DCLK1: variants seen among roughly 807,000 people sequenced by gnomAD.
DCLK1 encodes the protein serine/threonine-protein kinase DCLK1.
In DCLK1, 16 loss-of-function variants were observed where a neutral mutation model predicts 86.2. The ratio of observed to expected loss-of-function variants is 0.19; its 90% CI spans 0.13 to 0.28. The LOEUF is 0.28. DCLK1 is among the 10% of genes least tolerant of loss of function. The probability of loss-of-function intolerance (pLI) is 1.00; values close to 1 mark genes in which losing one functional copy is unlikely to be tolerated. For synonymous variants in DCLK1, 369 were observed against 370.5 expected (o/e 1.00, Z 0.05); for missense variants, 590 against 940.2 (o/e 0.63, Z 4.87).
intron 3 of DCLK1, among the ~76,000 whole-genome samples, chr13:35,996,726 C>T (rs1008991380): frequency 6.7e-6 from 1 of 150,014 alleles, no homozygotes; most frequent in Non-Finnish European, 1.5e-5. Flanking sequence ...TACACACAAC[C>T]TATTGGTTCT....
intron 4 of DCLK1, among the ~76,000 whole-genome samples, chr13:35,940,917 A>AT (rs901537900): frequency 6.6e-6 from 1 of 152,210 alleles, no homozygotes; most frequent in Non-Finnish European, 1.5e-5. Flanking sequence ...ACTAGGAGGT[A>AT]TATTTCAGCT....
At chr13:35,905,262 C>T (rs1874616466) in intron 4 of DCLK1, among the ~76,000 whole-genome samples, 1 of 152,224 alleles carries the variant, frequency 6.6e-6, no homozygotes, top group Non-Finnish European at 1.5e-5. Flanking sequence ...GTTTTCCACC[C>T]CCAGCTCCAG....
At chr13:36,003,186 T>C (rs561052592) in intron 3 of DCLK1, among the ~76,000 whole-genome samples, 42 of 152,212 alleles carry the variant, frequency 2.8e-4, no homozygotes, top group Non-Finnish European at 5.3e-4. Context: ...GAGCTAAATT[T>C]TCCAGGCTCA....
chr13:35,968,817 C>T (rs1170985), intron 3 of DCLK1, among the ~76,000 whole-genome samples: 45,756 of 151,954 alleles, frequency 0.3, 7,670 homozygotes, highest in East Asian at 0.57. Context: ...TACCCAGTCC[C>T]AGCATAGAGG....
chr13:35,835,480 G>C (rs1348674682), intron 8 of DCLK1, among the ~76,000 whole-genome samples: 1 of 152,178 alleles, frequency 6.6e-6, no homozygotes, highest in East Asian at 1.9e-4. Flanking sequence ...GTAGCCACCA[G>C]CTAACGTCCT....
chr13:35,896,706 G>T (rs752879763), intron 4 of DCLK1, among the ~76,000 whole-genome samples: 7 of 151,658 alleles, frequency 4.6e-5, no homozygotes, highest in Non-Finnish European at 1.0e-4. Context: ...TTCTGCACTC[G>T]GCCTTGGCAG....
chr13:35,986,754 T>A (rs182336154), intron 3 of DCLK1, among the ~76,000 whole-genome samples: 1 of 152,278 alleles, frequency 6.6e-6, no homozygotes, highest in Non-Finnish European at 1.5e-5. Flanking sequence ...ACCCTCATGG[T>A]CTTCTCAGGC....
chr13:35,942,273 T>C (rs1303396982), intron 4 of DCLK1, among the ~76,000 whole-genome samples: 2 of 152,108 alleles, frequency 1.3e-5, no homozygotes, highest in Non-Finnish European at 2.9e-5. Context: ...TTCAAGTGAT[T>C]CTCCTGCCTC....
At chr13:35,931,029 C>T (rs529061189) in intron 4 of DCLK1, among the ~76,000 whole-genome samples, 189 of 152,240 alleles carry the variant, frequency 1.2e-3, no homozygotes, top group African/African-American at 4.5e-3. Flanking sequence ...GTTTGTTAAC[C>T]AGCTGCAGAC....
chr13:36,079,083 T>C (rs1309772533), intron 3 of DCLK1, among the ~76,000 whole-genome samples: 1 of 152,130 alleles, frequency 6.6e-6, no homozygotes, highest in African/African-American at 2.4e-5. Context: ...GAAAAGCCCC[T>C]GTGGCTACAT....
chr13:35,819,243 C>T (rs1032508709), intron 11 of DCLK1, among the ~76,000 whole-genome samples: 3 of 152,098 alleles, frequency 2.0e-5, no homozygotes, highest in Admixed American at 6.6e-5. Context: ...GGTCAATGCC[C>T]AGTTTTCACC....
At chr13:36,066,614 A>G (rs1484315168) in intron 3 of DCLK1, among the ~76,000 whole-genome samples, 1 of 152,174 alleles carries the variant, frequency 6.6e-6, no homozygotes, top group Non-Finnish European at 1.5e-5. Flanking sequence ...ATCAGAGTGA[A>G]CAGGCAACCT....
chr13:36,043,140 G>A (rs1882752351), intron 3 of DCLK1, among the ~76,000 whole-genome samples: 1 of 152,062 alleles, frequency 6.6e-6, no homozygotes, highest in Non-Finnish European at 1.5e-5. Flanking sequence ...ATGTTAGAAA[G>A]TAAAGATACA....
At chr13:35,990,903 C>G (rs1295951206) in intron 3 of DCLK1, among the ~76,000 whole-genome samples, 1 of 152,126 alleles carries the variant, frequency 6.6e-6, no homozygotes, top group Non-Finnish European at 1.5e-5. Flanking sequence ...GAATACAAAA[C>G]TGACCATGGA....
At chr13:35,934,523 C>T (rs1010792781) in intron 4 of DCLK1, among the ~76,000 whole-genome samples, 33 of 152,114 alleles carry the variant, frequency 2.2e-4, no homozygotes, top group African/African-American at 2.9e-4. Flanking sequence ...GTGAAGAAGA[C>T]GCAAAAGCAG....
At chr13:35,844,130 G>T (rs933118140) in intron 6 of DCLK1, among the ~76,000 whole-genome samples, 1 of 152,168 alleles carries the variant, frequency 6.6e-6, no homozygotes, top group Admixed American at 6.5e-5. Context: ...TCCTTTGTCT[G>T]CAATCTTCAT....
At chr13:35,871,924 A>G (rs752186695) in intron 4 of DCLK1, among the ~76,000 whole-genome samples, 1 of 152,224 alleles carries the variant, frequency 6.6e-6, no homozygotes, top group Non-Finnish European at 1.5e-5. Context: ...AGCCTGTGCC[A>G]CCACATGAAG....
chr13:35,962,964 T>C lies in DCLK1; in HGVS notation c.724-15507A>G, dbSNP rs536614961. Among the ~76,000 whole-genome samples, 13 of 152,226 alleles carry C rather than the reference T, an allele frequency of 8.5e-5. No homozygotes were observed. The South Asian group carries it at 2.7e-3, about 32-fold the overall frequency. On this transcript the variant is annotated intron_variant, in intron 3 of 16. Coordinates refer to ENST00000360631, the MANE Select transcript of DCLK1 (RefSeq NM_001330071.2). Reference sequence around the variant, plus strand: ...TGTTTACATTATATATTCAGAAGAGTGAACTAAGAATAGGAAAGCTTTTAT... The same window carrying C: ...TGTTTACATTATATATTCAGAAGAGCGAACTAAGAATAGGAAAGCTTTTAT...
At chr13:35,784,129 T>A (rs903932918) in intron 16 of DCLK1, among the ~76,000 whole-genome samples, 1 of 152,166 alleles carries the variant, frequency 6.6e-6, no homozygotes, top group African/African-American at 2.4e-5. Flanking sequence ...AGCATAGATG[T>A]TTACTTTTAA....
Sources: gnomAD v4.1 joint callset for allele counts (sites outside exome capture counted in the v4.1 genomes callset) on GRCh38, gnomAD v4.1.1 for gene constraint, MANE v1.5 for transcripts, NCBI Gene and HGNC (gene_info 2026-07-23, HGNC 2026-07-21) for gene names.